The following HIVEP3 variants were observed in gnomAD, a reference collection of about 807,000 sequenced individuals.
HIVEP3 encodes transcription factor HIVEP3.
Under a neutral mutation model 152.8 loss-of-function variants are expected in HIVEP3, and 49 were observed. That is an observed-to-expected ratio of 0.32 (90% CI 0.26 to 0.41). The LOEUF is 0.41. Among genes scored for constraint, HIVEP3 ranks in the 10% least tolerant of loss-of-function variants. The pLI is 1.00. For missense variants in HIVEP3, 2,790 were observed against 3,103.3 expected (o/e 0.90, Z 2.40); for synonymous variants, 1,269 against 1,289.0 (o/e 0.98, Z 0.33).
chr1:41,629,096 C>T, intron 2 of HIVEP3, 149 bp from the exon 3 acceptor site: 1 of 401,960 alleles, frequency 2.5e-6, no homozygotes, highest in Non-Finnish European at 4.0e-6. Context: ...CCCCACATCC[C>T]CCTACTTTGC....
chr1:41,782,744 A>G (rs187663386), intron 1 of HIVEP3, among the ~76,000 whole-genome samples: 1 of 152,116 alleles, frequency 6.6e-6, no homozygotes, highest in East Asian at 1.9e-4. Flanking sequence ...AAAAAAAAAA[A>G]AAAGGCTAAA....
At chr1:41,753,383 G>A (rs1024723381) in intron 1 of HIVEP3, among the ~76,000 whole-genome samples, 10 of 152,174 alleles carry the variant, frequency 6.6e-5, no homozygotes, top group East Asian at 3.9e-4. Context: ...GCAATGGGCC[G>A]GGCACGGTGG....
intron 1 of HIVEP3, among the ~76,000 whole-genome samples, chr1:41,795,761 C>G (rs1243753707): frequency 6.6e-6 from 1 of 152,178 alleles, no homozygotes; most frequent in Non-Finnish European, 1.5e-5. Context: ...GTTGAGAGCT[C>G]TTTCTGGTTG....
At chr1:41,902,185 CT>C (rs1170290440) in intron 1 of HIVEP3, among the ~76,000 whole-genome samples, 1 of 152,062 alleles carries the variant, frequency 6.6e-6, no homozygotes, top group East Asian at 1.9e-4. Context: ...AAAAGGAATG[CT>C]TAAAAGGGAA....
chr1:41,801,265 C>A (rs935396129), intron 1 of HIVEP3, among the ~76,000 whole-genome samples: 4 of 152,134 alleles, frequency 2.6e-5, no homozygotes, highest in Non-Finnish European at 5.9e-5. Flanking sequence ...ATAAGAGCAA[C>A]ATCCCCCTCC....
chr1:41,653,953 CAAAAAAAAAAAAA>C lies in HIVEP3; in HGVS notation c.-720-25019_-720-25007del, dbSNP rs55707109. Among the ~76,000 whole-genome samples, 233 of 46,236 alleles carry C rather than the reference CAAAAAAAAAAAAA, an allele frequency of 5.0e-3. 1 individual carries two copies. Among genetic ancestry groups the C allele is most frequent in the Admixed American group, 0.014 (47 of 3,272 alleles). The allele number at this position is 46,236 out of a possible 152,430, so 30.3% of individuals were successfully genotyped here. A position where few individuals can be genotyped will look rare whatever the true frequency, so the allele number is the denominator to read the frequency against. ...CCCTGGGCCTAAATATTTTCTACTG[CAAAAAAAAAAAAA>C]AAAAAAAAAAAAAAAACCAGATTAC... On this transcript the variant is annotated intron_variant, in intron 2 of 8. Coordinates refer to ENST00000372583, the MANE Select transcript of HIVEP3 (RefSeq NM_024503.5).
At chr1:41,698,146 T>C (rs1039248960) in intron 2 of HIVEP3, among the ~76,000 whole-genome samples, 3 of 152,198 alleles carry the variant, frequency 2.0e-5, no homozygotes, top group Admixed American at 1.3e-4. Flanking sequence ...GCTATAAACA[T>C]TCTCATCATT....
rs551365414 is a variant in HIVEP3 at position 41,656,038 on chromosome 1, T to C, written c.-720-27091A>G. On this transcript the variant is annotated intron_variant, in intron 2 of 8. Transcript: ENST00000372583. ...GTCTTCTTTAAGAAAAAAAATAGGG[T>C]AATGCCTTTCTTTTAATTTAATTCA... Among the ~76,000 whole-genome samples, 5 of 152,236 alleles carry C rather than the reference T, an allele frequency of 3.3e-5. No individual in the cohort carries two copies. In the East Asian group the frequency reaches 9.6e-4, roughly 29 times the overall value.
At chr1:42,004,587 T>C (rs1201914504) in intron 1 of HIVEP3, among the ~76,000 whole-genome samples, 1 of 152,192 alleles carries the variant, frequency 6.6e-6, no homozygotes, top group Non-Finnish European at 1.5e-5. Flanking sequence ...TATGATCACA[T>C]GAACTCTTCA....
chr1:41,750,722 C>T (rs4660202), intron 1 of HIVEP3, among the ~76,000 whole-genome samples: 126,488 of 150,062 alleles, frequency 0.84, 56,735 homozygotes, highest in Non-Finnish European at 1. Context: ...TTTTTTGACA[C>T]GCGTCTCGCT....
intron 6 of HIVEP3, among the ~76,000 whole-genome samples, chr1:41,522,082 C>T (rs191304637): frequency 2.0e-4 from 30 of 152,340 alleles, no homozygotes; most frequent in Admixed American, 1.4e-3. Flanking sequence ...AGGGGCTCCC[C>T]AGGCCCTGGT....
intron 5 of HIVEP3, among the ~76,000 whole-genome samples, chr1:41,540,471 C>T (rs1484796599): frequency 6.6e-6 from 1 of 152,172 alleles, no homozygotes; most frequent in African/African-American, 2.4e-5. Flanking sequence ...TGGGTTGGGG[C>T]GTGGGGGAGG....
At chr1:41,527,467 C>A (rs888372235) in intron 5 of HIVEP3, among the ~76,000 whole-genome samples, 1 of 139,488 alleles carries the variant, frequency 7.2e-6, no homozygotes, top group Non-Finnish European at 1.6e-5. Flanking sequence ...CCTGTCCTCA[C>A]ACTCACCTTC....
chr1:41,730,040 G>A (rs985316186), intron 1 of HIVEP3, among the ~76,000 whole-genome samples: 4 of 152,206 alleles, frequency 2.6e-5, no homozygotes, highest in Admixed American at 1.3e-4. Flanking sequence ...CCAGCTAGTC[G>A]GGGTTGAGCG....
chr1:42,002,574 C>T (rs1338114871), intron 1 of HIVEP3, among the ~76,000 whole-genome samples: 1 of 152,158 alleles, frequency 6.6e-6, no homozygotes, highest in Non-Finnish European at 1.5e-5. Context: ...CTTGGCTGCC[C>T]CTTAGAATCA....
chr1:41,618,409 C>T (rs933216760), intron 3 of HIVEP3, among the ~76,000 whole-genome samples: 5 of 152,226 alleles, frequency 3.3e-5, no homozygotes, highest in South Asian at 2.1e-4. Context: ...TGTGCTCGGG[C>T]CCTGAACCTG....
At chr1:41,517,854 G>A (rs554315139) in intron 7 of HIVEP3, among the ~76,000 whole-genome samples, 138 of 152,320 alleles carry the variant, frequency 9.1e-4, no homozygotes, top group African/African-American at 3.0e-3. Flanking sequence ...GGTGACAAGC[G>A]GCTGTCAGGT....
intron 1 of HIVEP3, among the ~76,000 whole-genome samples, chr1:41,733,336 G>C (rs1282576994): frequency 6.6e-6 from 1 of 152,204 alleles, no homozygotes; most frequent in Non-Finnish European, 1.5e-5. Context: ...CAGGTACCAA[G>C]TGGTAATTAC....
chr1:42,003,974 T>G (rs779866843), intron 1 of HIVEP3, among the ~76,000 whole-genome samples: 3 of 152,086 alleles, frequency 2.0e-5, no homozygotes, highest in Non-Finnish European at 4.4e-5. Context: ...ATGTCTCAGG[T>G]TAGGTACTAA....
Sources: allele counts gnomAD v4.1 joint callset (sites outside exome capture counted in the v4.1 genomes callset), GRCh38; gene constraint gnomAD v4.1.1; transcripts MANE v1.5; gene names NCBI Gene and HGNC (gene_info 2026-07-23, HGNC 2026-07-21).